Variants in RASAL3 observed in about 807,000 individuals in gnomAD.
The protein encoded by RASAL3 is RAS protein activator like 3.
RASAL3 carries 74 observed loss-of-function variants against 105.5 expected under a neutral mutation model. The observed-to-expected ratio is 0.70, with a 90% CI of 0.58 to 0.85. The LOEUF (loss-of-function observed/expected upper bound fraction) is 0.85. RASAL3 is among the 40% of genes least tolerant of loss of function. The pLI, the probability that RASAL3 is intolerant of heterozygous loss-of-function variation, is 0.00. For synonymous variants in RASAL3, 579 were observed against 591.6 expected (o/e 0.98, Z 0.31); for missense variants, 1,352 against 1,392.0 (o/e 0.97, Z 0.46).
Position 15,457,040 on chromosome 19 carries a change from G to A in RASAL3, c.1431+252C>T. The A allele has an allele frequency of 2.4e-6, 1 of 422,776 alleles. No individual in the cohort carries two copies. The highest frequency in any genetic ancestry group is 4.2e-6 in the Non-Finnish European group (1 of 237,772). The allele number at this position is 422,776 out of a possible 1,614,324, so 26.2% of individuals were successfully genotyped here. ...TGCAGCTCAGCCCCAGCCCCTCACAGCTGACGCTCAGGTCCCGCCCTTCAA... is the reference window on the plus strand; with the variant it reads ...TGCAGCTCAGCCCCAGCCCCTCACAACTGACGCTCAGGTCCCGCCCTTCAA... On this transcript the variant is annotated intron_variant, in intron 9 of 17. Transcript: ENST00000343625. This position sits in a 1 kb window ranked among gnomAD's most constrained non-coding sequence, Gnocchi z 8.6.
Position 15,458,649 on chromosome 19 carries a change from G to A in RASAL3, c.669C>T (p.Pro223=). ...GCGACTCCCTAGAGCCCAGAGCACTGGGGGGTCTGGGAAGGGGGTGGGTGA... is the reference window on the plus strand; with the variant it reads ...GCGACTCCCTAGAGCCCAGAGCACTAGGGGGTCTGGGAAGGGGGTGGGTGA... The part of the protein sequence containing the change: ...KARLEPRDGP[P]SALGSRESLA... The change falls in exon 7 of 18, where the codon CCC becomes CCT. Residue 223 remains proline (P), a synonymous_variant. Coordinates refer to ENST00000343625, the MANE Select transcript of RASAL3 (RefSeq NM_022904.3). The A allele has an allele frequency of 6.2e-7, 1 of 1,612,496 alleles. No homozygotes were observed. Among genetic ancestry groups the A allele is most frequent in the Non-Finnish European group, 8.5e-7 (1 of 1,179,342 alleles).
Position 15,457,270 on chromosome 19 carries a change from C to A in RASAL3, c.1431+22G>T. On this transcript the variant is annotated intron_variant, in intron 9 of 17. Coordinates refer to ENST00000343625, the MANE Select transcript of RASAL3 (RefSeq NM_022904.3). The surrounding 1 kb of genome is among the most constrained non-coding windows in gnomAD (Gnocchi z 8.6). ...TCGGTCTACCCCTGGTAGCCCCGGT[C>A]CGCGCTGTCGCGGTGCCGCACCTGC... 1.6e-6 allele frequency: 2 copies of A among 1,257,006 alleles called. No homozygotes were observed. The highest frequency in any genetic ancestry group is 5.1e-5 in the South Asian group (2 of 39,034). 77.9% of individuals were successfully genotyped at this position (1,257,006 alleles called of 1,614,324 possible).
chr19:15,457,287 C>A lies in RASAL3; in HGVS notation c.1431+5G>T. The A allele has an allele frequency of 7.8e-7, 1 of 1,285,954 alleles. No individual in the cohort carries two copies. The highest frequency in any genetic ancestry group is 2.1e-5 in the South Asian group (1 of 46,550). The allele number at this position is 1,285,954 out of a possible 1,614,324, so 79.7% of individuals were successfully genotyped here. A position where few individuals can be genotyped will look rare whatever the true frequency, so the allele number is the denominator to read the frequency against. The stretch of plus-strand genomic sequence containing the variant: ...GCCCCGGTCCGCGCTGTCGCGGTGC[C>A]GCACCTGCGCCCGGCCGGTGGCCCG... On this transcript the variant is annotated splice_donor_5th_base_variant and intron_variant, in intron 9 of 17. Coordinates refer to ENST00000343625, the MANE Select transcript of RASAL3 (RefSeq NM_022904.3). The surrounding 1 kb of genome is among the most constrained non-coding windows in gnomAD (Gnocchi z 8.6).
chr19:15,458,038 T>A (rs1185779338), intron 8 of RASAL3: 1 of 653,170 alleles, frequency 1.5e-6, no homozygotes, highest in South Asian at 1.9e-5. Context: ...TCCGGGAGAG[T>A]TGGGGGCTCC....
chr19:15,461,461 C>T lies in RASAL3; in HGVS notation c.465+10G>A. 2 of 1,547,352 alleles carry T rather than the reference C, an allele frequency of 1.3e-6. No homozygotes were observed. The highest frequency in any genetic ancestry group is 8.7e-7 in the Non-Finnish European group (1 of 1,144,752). On this transcript the variant is annotated intron_variant, in intron 3 of 17. Transcript: ENST00000343625. ...TTCCCTCCTCCCCTTTCCCAGGTGC[C>T]CCCTCTCACCTCCTCCTCTCCTCCA...
chr19:15,457,605 A>G lies in RASAL3; in HGVS notation c.1118T>C (p.Leu373Ser). 1 of 1,351,542 alleles carries G rather than the reference A, an allele frequency of 7.4e-7. No homozygotes were observed. Among genetic ancestry groups the G allele is most frequent in the Non-Finnish European group, 9.5e-7 (1 of 1,048,706 alleles). The allele number at this position is 1,351,542 out of a possible 1,614,324, so 83.7% of individuals were successfully genotyped here. A position where few individuals can be genotyped will look rare whatever the true frequency, so the allele number is the denominator to read the frequency against. ...GCCCAGCACCGCGCTTCCCGGGCCCAAGCCGCGCAGCCGCAGCGACAGGCG... is the reference window on the plus strand; with the variant it reads ...GCCCAGCACCGCGCTTCCCGGGCCCGAGCCGCGCAGCCGCAGCGACAGGCG... ...ARRLSLRLRG[L>S]GPGSAVLGRV... Residue 373 changes from leucine to serine, a missense_variant, in exon 9 of 18, where the codon TTG becomes TCG. Transcript: ENST00000343625. This position sits in a 1 kb window ranked among gnomAD's most constrained non-coding sequence, Gnocchi z 8.6.
In RASAL3 at chr19:15,451,770, C is replaced by T; in HGVS notation, c.*25G>A. ...TGGCTATCTCTCTGCTCCCAGACCA[C>T]GTGTGATGAGGCAGGATGGGCAGCT... On this transcript the variant is annotated 3_prime_UTR_variant, in exon 18 of 18. Coordinates refer to ENST00000343625, the MANE Select transcript of RASAL3 (RefSeq NM_022904.3). 1.9e-6 allele frequency: 3 copies of T among 1,575,198 alleles called. No homozygotes were observed. Among genetic ancestry groups the T allele is most frequent in the South Asian group, 1.1e-5 (1 of 87,840 alleles).
At chr19:15,461,905 A>G (rs1313899223) in intron 2 of RASAL3, among the ~76,000 whole-genome samples, 4 of 152,184 alleles carry the variant, frequency 2.6e-5, no homozygotes, top group African/African-American at 9.6e-5. Flanking sequence ...ACAGGCTCAG[A>G]GAGGTTGAGT....
intron 6 of RASAL3, among the ~76,000 whole-genome samples, chr19:15,459,488 A>G (rs1025356193): frequency 6.8e-6 from 1 of 147,288 alleles, no homozygotes; most frequent in African/African-American, 2.5e-5. Context: ...CAAATGTTCC[A>G]CCTGCCTCTG....
chr19:15,456,333 A>T lies in RASAL3; in HGVS notation c.1577-85T>A, dbSNP rs927211887. On this transcript the variant is annotated intron_variant, in intron 10 of 17. Transcript: ENST00000343625. This position sits in a 1 kb window ranked among gnomAD's most constrained non-coding sequence, Gnocchi z 4.4. ...CATCCTCCAACCTTGTCTTCAGGTT[A>T]TTCCGGAGGCACCCAACATCTTGGG... 1.0e-5 allele frequency: 16 copies of T among 1,565,696 alleles called. No homozygotes were observed. The African/African-American group carries it at 2.2e-4, about 21-fold the overall frequency.
chr19:15,457,730 C>T lies in RASAL3; in HGVS notation c.993G>A (p.Trp331Ter). The change falls in exon 9 of 18, where the codon TGG becomes TGA. Residue 331 changes from tryptophan to a stop codon, truncating the protein, a stop_gained. Coordinates refer to ENST00000343625, the MANE Select transcript of RASAL3 (RefSeq NM_022904.3). LOFTEE classifies it high-confidence loss of function. The surrounding 1 kb of genome is among the most constrained non-coding windows in gnomAD (Gnocchi z 8.6). ...TGCGTGCCAGCAGCGCGCCATCCAG[C>T]CACAGCTCGGCGCGCACGCCGGGTG... ...AGAPGVRAELWLDGALLARTA... is the reference protein window; with the variant it reads ...AGAPGVRAEL 6.5e-7 allele frequency: 1 copy of T among 1,530,544 alleles called. No homozygotes were observed. The highest frequency in any genetic ancestry group is 8.8e-7 in the Non-Finnish European group (1 of 1,139,222). 94.8% of individuals were successfully genotyped at this position (1,530,544 alleles called of 1,614,324 possible).
At chr19:15,452,227 A>T in intron 16 of RASAL3, 119 bp from the exon 17 acceptor site, 1 of 956,822 alleles carries the variant, frequency 1.0e-6, no homozygotes, top group Non-Finnish European at 1.7e-6. Context: ...GCTTGTCCAG[A>T]CTGAGGGGCG....
rs576314440 is a variant in RASAL3, at chr19:15,456,344, A to G, written c.1577-96T>C. ...CTTGTCTTCAGGTTATTCCGGAGGC[A>G]CCCAACATCTTGGGGAGCTCCCAAT... On this transcript the variant is annotated intron_variant, in intron 10 of 17. Transcript: ENST00000343625. This position sits in a 1 kb window ranked among gnomAD's most constrained non-coding sequence, Gnocchi z 4.4. 2.1e-4 allele frequency: 320 copies of G among 1,550,866 alleles called. No homozygotes were observed. The highest frequency in any genetic ancestry group is 2.7e-4 in the Non-Finnish European group (309 of 1,143,598).
Position 15,453,917 on chromosome 19 carries a change from A to G in RASAL3, c.2279+232T>C, listed in dbSNP as rs1243563155. 6.6e-6 allele frequency among the ~76,000 whole-genome samples: 1 copy of G among 152,056 alleles called. No individual in the cohort carries two copies. Among genetic ancestry groups the G allele is most frequent in the East Asian group, 1.9e-4 (1 of 5,194 alleles). On this transcript the variant is annotated intron_variant, in intron 14 of 17. Transcript: ENST00000343625. This position sits in a 1 kb window ranked among gnomAD's most constrained non-coding sequence, Gnocchi z 4.2. ...TGGCTCCTGTCCTTGACTTCTGACT[A>G]TAATACTGTCCTCTCTATGACCCTT...
Position 15,454,254 on chromosome 19 carries a change from G to A in RASAL3, c.2174C>T (p.Thr725Ile). ...FAELDQTTRDTLEPLPTILRA... is the reference protein window; with the variant it reads ...FAELDQTTRDILEPLPTILRA... Reference sequence around the variant, plus strand: ...CAGGATGGTGGGCAGTGGTTCCAGGGTGTCTCGGGTTGTCTGGTGAGGCAT... The same window carrying A: ...CAGGATGGTGGGCAGTGGTTCCAGGATGTCTCGGGTTGTCTGGTGAGGCAT... Residue 725 changes from threonine to isoleucine, a missense_variant, in exon 14 of 18, where the codon ACC becomes ATC. Physicochemically the swap from Thr to Ile is moderately conservative, Grantham distance 89 (BLOSUM62 -1). This residue lies in a region of RASAL3 where 920 missense variants were observed against 919.6 expected (regional missense o/e 1.00). Transcript: ENST00000343625. 1 of 1,564,746 alleles carries A rather than the reference G, an allele frequency of 6.4e-7. No homozygotes were observed. Among genetic ancestry groups the A allele is most frequent in the Non-Finnish European group, 8.7e-7 (1 of 1,154,476 alleles).
intron 16 of RASAL3, chr19:15,452,312 C>G (rs1970175850): frequency 1.6e-6 from 1 of 622,568 alleles, no homozygotes; most frequent in Admixed American, 2.6e-5. Flanking sequence ...TCAATCATCC[C>G]TTGGAGGTGG....
At chr19:15,452,468 C>T (rs1970180281) in intron 16 of RASAL3, 190 bp downstream of exon 16, 2 of 604,492 alleles carry the variant, frequency 3.3e-6, no homozygotes, top group African/African-American at 1.9e-5. Context: ...CCTAGGCCGA[C>T]CTTCGTTGGG....
rs769960523 is a variant in RASAL3 at position 15,452,790 on chromosome 19, G to GCCA, written c.2693_2695dup (p.Val898dup). The GCCA allele has an allele frequency of 2.6e-6, 4 of 1,562,274 alleles. No homozygotes were observed. The African/African-American group carries it at 5.4e-5, about 21-fold the overall frequency. On this transcript the variant is annotated inframe_insertion, in exon 16 of 18. Coordinates refer to ENST00000343625, the MANE Select transcript of RASAL3 (RefSeq NM_022904.3). ...CACTTTCTGCTCCTCACGCAGAGCG[G>GCCA]CCACCTCGCACTGCAGCTCTGCCAA...
intron 2 of RASAL3, among the ~76,000 whole-genome samples, chr19:15,463,033 T>C (rs1000599366): frequency 6.6e-6 from 1 of 152,028 alleles, no homozygotes; most frequent in Non-Finnish European, 1.5e-5. Context: ...ATTACTCTTC[T>C]AGATCCCCCT....
Sources: allele counts gnomAD v4.1 joint callset (sites outside exome capture counted in the v4.1 genomes callset), GRCh38; gene constraint gnomAD v4.1.1; regional missense constraint gnomAD v4.1.1; non-coding constraint Gnocchi (gnomAD v3.1); transcripts MANE v1.5; gene names NCBI Gene and HGNC (gene_info 2026-07-23, HGNC 2026-07-21).